The following NXPH4 variants were observed in gnomAD, a reference collection of about 807,000 sequenced individuals.
NXPH4 encodes neurexophilin 4, also known as neurexophilin-4.
A neutral mutation model predicts 21.3 loss-of-function variants in NXPH4; 8 were observed. The observed-to-expected ratio is 0.38, with a 90% CI of 0.22 to 0.68. The LOEUF (loss-of-function observed/expected upper bound fraction) is 0.68, where lower values mean the gene tolerates loss of function less well. Ranked by LOEUF, NXPH4 falls within the 30% of genes least tolerant of loss-of-function variation. NXPH4 has a pLI of 0.53. For missense variants in NXPH4, 418 were observed against 416.8 expected, an observed-to-expected ratio of 1.00 and a Z score of -0.03; for synonymous variants, 219 against 192.6, an observed-to-expected ratio of 1.14 and a Z score of -1.13.
chr12:57,220,435 C>A (rs531155010), intron 1 of NXPH4, among the ~76,000 whole-genome samples: 1 of 152,146 alleles, frequency 6.6e-6, no homozygotes, highest in Admixed American at 6.5e-5. Flanking sequence ...GCGGGGACCG[C>A]GCTGGCTCCA....
At position 57,226,100 on chromosome 12, in the gene NXPH4, A is replaced by G. The variant is rs1297855187; in HGVS notation, c.*353A>G. The G allele has an allele frequency of 1.2e-5, 6 of 505,234 alleles. No individual in the cohort carries two copies. The highest frequency in any genetic ancestry group is 4.9e-5 in the South Asian group (1 of 20,460). The allele number at this position is 505,234 out of a possible 1,614,324, so 31.3% of individuals were successfully genotyped here. A position where few individuals can be genotyped will look rare whatever the true frequency, so the allele number is the denominator to read the frequency against. ...CACTCCCTTTCCCCGCAGCTTTAATAACTCCTGGCCTGGCACCCTCACCCC... is the reference window on the plus strand; with the variant it reads ...CACTCCCTTTCCCCGCAGCTTTAATGACTCCTGGCCTGGCACCCTCACCCC... On this transcript the variant is annotated 3_prime_UTR_variant, in exon 2 of 2. Transcript: ENST00000349394.
In NXPH4 at chr12:57,225,581, C is replaced by T. The variant is rs140267078; in HGVS notation, c.761C>T (p.Ser254Leu). The T allele has an allele frequency of 3.1e-6, 5 of 1,613,454 alleles. No individual in the cohort carries two copies. Among genetic ancestry groups the T allele is most frequent in the Non-Finnish European group, 4.2e-6 (5 of 1,180,008 alleles). Residue 254 changes from serine to leucine, a missense_variant, in exon 2 of 2, where the codon TCG becomes TTG. By Grantham distance (145) the Ser-to-Leu change is moderately radical. Transcript: ENST00000349394. Reference sequence around the variant, plus strand: ...CACCGACCGTGCCTGTACGACCCGTCGCAGGTGTGCTTCACCGAGCACACG... The same window carrying T: ...CACCGACCGTGCCTGTACGACCCGTTGCAGGTGTGCTTCACCGAGCACACG... The part of the protein sequence containing the change: ...RKHRPCLYDP[S>L]QVCFTEHTQS...
intron 1 of NXPH4, among the ~76,000 whole-genome samples, chr12:57,224,133 CT>C (rs146823369): frequency 0.043 from 6,482 of 151,656 alleles, 405 homozygotes; most frequent in African/African-American, 0.14. Flanking sequence ...CTTTTCTTTT[CT>C]TTTTTTTCTG....
chr12:57,225,804 AC>A lies in NXPH4; in HGVS notation c.*62del. ...CCAAATCCCAGCCTCACTAGGTGGG[AC>A]CCCCTTCCCAGTGTTCTGCCGCTCC... On this transcript the variant is annotated 3_prime_UTR_variant, in exon 2 of 2. Transcript: ENST00000349394. 6.4e-7 allele frequency: 1 copy of A among 1,556,042 alleles called. No homozygotes were observed.
chr12:57,220,392 C>T (rs2037079469), intron 1 of NXPH4, among the ~76,000 whole-genome samples: 2 of 152,240 alleles, frequency 1.3e-5, no homozygotes, highest in Non-Finnish European at 2.9e-5. Flanking sequence ...TAAAGTGAGG[C>T]GCGGGGCGGG....
chr12:57,221,963 G>A (rs936655088), intron 1 of NXPH4, among the ~76,000 whole-genome samples: 2 of 152,228 alleles, frequency 1.3e-5, no homozygotes, highest in Non-Finnish European at 2.9e-5. Context: ...CAGAGACAGT[G>A]AGAAAAGAGA....
rs781063753 is a variant in NXPH4, at chr12:57,225,391, C to A, written c.571C>A (p.Pro191Thr). The change falls in exon 2 of 2, where the codon CCC becomes ACC. Residue 191 changes from proline to threonine, a missense_variant. Physicochemically the swap from Pro to Thr is conservative, Grantham distance 38. Transcript: ENST00000349394. ...ALEGVLPGLG[P>T]PLGMAAAAAG... ...GGAGGGGGTGCTTCCTGGGCTGGGG[C>A]CCCCGCTGGGGATGGCAGCAGCAGC... The A allele has an allele frequency of 1.0e-5, 16 of 1,596,108 alleles. No homozygotes were observed. Among genetic ancestry groups the A allele is most frequent in the Non-Finnish European group, 1.4e-5 (16 of 1,175,020 alleles).
rs770215319 is a variant in NXPH4 at position 57,216,969 on chromosome 12, G to A, written c.-1G>A. 68 of 1,598,812 alleles carry A rather than the reference G, an allele frequency of 4.3e-5. No individual in the cohort carries two copies. The highest frequency in any genetic ancestry group is 2.5e-4 in the Admixed American group (15 of 58,862). ...CCTGCCCCGCTCAGCCGCCAGAGAA[G>A]ATGCGGCTGCTCCCGGAATGGTTCC... On this transcript the variant is annotated 5_prime_UTR_variant, in exon 1 of 2. Coordinates refer to ENST00000349394, the MANE Select transcript of NXPH4 (RefSeq NM_007224.4). This position sits in a 1 kb window ranked among gnomAD's most constrained non-coding sequence, Gnocchi z 5.3.
chr12:57,219,493 G>A lies in NXPH4; in HGVS notation c.57+2467G>A, dbSNP rs539265391. On this transcript the variant is annotated intron_variant, in intron 1 of 1. Transcript: ENST00000349394. Reference sequence around the variant, plus strand: ...TAATTAGCTGGGGGAGGGCAGGGGCGGGGCCCTGTGGGACCTGCCAGCTCT... The same window carrying A: ...TAATTAGCTGGGGGAGGGCAGGGGCAGGGCCCTGTGGGACCTGCCAGCTCT... Among the ~76,000 whole-genome samples, 54 of 152,294 alleles carry A rather than the reference G, an allele frequency of 3.5e-4. 1 individual carries two copies. In the East Asian group the frequency reaches 7.9e-3, roughly 22 times the overall value.
In NXPH4 at chr12:57,224,992, G is replaced by T. The variant is rs866090097; in HGVS notation, c.172G>T (p.Gly58Cys). 6.9e-7 allele frequency: 1 copy of T among 1,458,934 alleles called. No homozygotes were observed. The allele number at this position is 1,458,934 out of a possible 1,614,324, so 90.4% of individuals were successfully genotyped here. ...QQLPEPRSSD[G>C]LGVGRAWSWA... ...GCTCCCAGAGCCAAGGTCTTCGGAC[G>T]GCCTAGGCGTGGGCCGCGCCTGGAG... Residue 58 changes from glycine (G) to cysteine (C), a missense_variant, in exon 2 of 2, where the codon GGC becomes TGC. Gly to Cys is a radical substitution (Grantham distance 159, BLOSUM62 -3). Transcript: ENST00000349394.
chr12:57,221,464 G>C, intron 1 of NXPH4: 1 of 411,092 alleles, frequency 2.4e-6, no homozygotes, highest in Non-Finnish European at 5.0e-6. Flanking sequence ...CCCAATCCCA[G>C]CAGTGTCATC....
intron 1 of NXPH4, among the ~76,000 whole-genome samples, chr12:57,222,452 C>A (rs1484868297): frequency 2.6e-5 from 4 of 152,058 alleles, no homozygotes; most frequent in Non-Finnish European, 5.9e-5. Flanking sequence ...TAGGGGTGCT[C>A]TGGTCTGCTG....
Position 57,225,310 on chromosome 12 carries a change from G to A in NXPH4, c.490G>A (p.Gly164Arg), listed in dbSNP as rs944402170. Residue 164 changes from glycine to arginine, a missense_variant, in exon 2 of 2, where the codon GGA (glycine) becomes AGA (arginine). By Grantham distance (125) the Gly-to-Arg change is moderately radical. Coordinates refer to ENST00000349394, the MANE Select transcript of NXPH4 (RefSeq NM_007224.4). Reference protein sequence around the residue: ...IVPPSKRVEFGGVWLPGPVPH... With the variant: ...IVPPSKRVEFRGVWLPGPVPH... ...GCCGCCCTCCAAGCGTGTCGAGTTC[G>A]GAGGAGTCTGGCTGCCCGGGCCTGT... 2 of 1,556,516 alleles carry A rather than the reference G, an allele frequency of 1.3e-6. No individual in the cohort carries two copies. Among genetic ancestry groups the A allele is most frequent in the African/African-American group, 2.7e-5 (2 of 73,408 alleles).
chr12:57,224,922 G>A lies in NXPH4; in HGVS notation c.102G>A (p.Leu34=). 7.5e-7 allele frequency: 1 copy of A among 1,330,968 alleles called. No individual in the cohort carries two copies. The highest frequency in any genetic ancestry group is 9.9e-7 in the Non-Finnish European group (1 of 1,013,942). 82.4% of individuals were successfully genotyped at this position (1,330,968 alleles called of 1,614,324 possible). A position where few individuals can be genotyped will look rare whatever the true frequency, so the allele number is the denominator to read the frequency against. The change falls in exon 2 of 2, where the codon CTG becomes CTA. Residue 34 remains leucine, a synonymous_variant. Transcript: ENST00000349394. ...QIPESGRPQY[L]GLRPAAAGAG... is the part of the protein sequence containing the mutation. Reference sequence around the variant, plus strand: ...CAGAGTCCGGAAGGCCGCAGTACCTGGGGCTGCGCCCCGCCGCGGCCGGAG... The same window carrying A: ...CAGAGTCCGGAAGGCCGCAGTACCTAGGGCTGCGCCCCGCCGCGGCCGGAG...
intron 1 of NXPH4, among the ~76,000 whole-genome samples, chr12:57,224,621 G>C (rs912195060): frequency 6.6e-6 from 1 of 152,116 alleles, no homozygotes; most frequent in African/African-American, 2.4e-5. Flanking sequence ...TTGGAGCTCT[G>C]TGGGCCACAT....
At position 57,225,001 on chromosome 12, in the gene NXPH4, G is replaced by A; in HGVS notation, c.181G>A (p.Val61Met). The change falls in exon 2 of 2, where the codon GTG (valine) becomes ATG (methionine). Residue 61 changes from valine (V) to methionine (M), a missense_variant. By Grantham distance (21) the Val-to-Met change is conservative. Transcript: ENST00000349394. ...PEPRSSDGLGVGRAWSWAWPT... is the reference protein window; with the variant it reads ...PEPRSSDGLGMGRAWSWAWPT... ...GCCAAGGTCTTCGGACGGCCTAGGC[G>A]TGGGCCGCGCCTGGAGCTGGGCCTG... 6.7e-7 allele frequency: 1 copy of A among 1,497,780 alleles called. No homozygotes were observed. The highest frequency in any genetic ancestry group is 8.9e-7 in the Non-Finnish European group (1 of 1,124,282). The allele number at this position is 1,497,780 out of a possible 1,614,324, so 92.8% of individuals were successfully genotyped here.
chr12:57,223,000 A>T (rs2037106629), intron 1 of NXPH4, among the ~76,000 whole-genome samples: 1 of 152,102 alleles, frequency 6.6e-6, no homozygotes, highest in Admixed American at 6.5e-5. Context: ...GTGTGTACAC[A>T]TGGGTGTGGG....
At chr12:57,217,381 G>C (rs185525801) in intron 1 of NXPH4, among the ~76,000 whole-genome samples, 1 of 152,190 alleles carries the variant, frequency 6.6e-6, no homozygotes, top group Non-Finnish European at 1.5e-5. Flanking sequence ...CGCCAGTCTC[G>C]CTCGCCTGCC....
At position 57,216,854 on chromosome 12, in the gene NXPH4, GCC is replaced by G. The variant is rs1351678773; in HGVS notation, c.-115_-114del. On this transcript the variant is annotated 5_prime_UTR_variant, in exon 1 of 2. Coordinates refer to ENST00000349394, the MANE Select transcript of NXPH4 (RefSeq NM_007224.4). This position sits in a 1 kb window ranked among gnomAD's most constrained non-coding sequence, Gnocchi z 5.3. The stretch of plus-strand genomic sequence containing the variant: ...CCGCGCCGCCGCTCCCGCCGCTCCC[GCC>G]GCTCCCGCCGCTCCCGCAGCCGCCC... The G allele has an allele frequency of 9.1e-5, 46 of 504,970 alleles. No homozygotes were observed. In the African/African-American group the frequency reaches 1.0e-3, roughly 11 times the overall value. 31.3% of individuals were successfully genotyped at this position (504,970 alleles called of 1,614,324 possible). A position where few individuals can be genotyped will look rare whatever the true frequency, so the allele number is the denominator to read the frequency against.
Sources: allele counts gnomAD v4.1 joint callset (sites outside exome capture counted in the v4.1 genomes callset), GRCh38; gene constraint gnomAD v4.1.1; non-coding constraint Gnocchi (gnomAD v3.1); transcripts MANE v1.5; gene names NCBI Gene and HGNC (gene_info 2026-07-23, HGNC 2026-07-21).